Variants in ERBB4 observed in about 807,000 individuals in gnomAD.
ERBB4 encodes the protein erb-b2 receptor tyrosine kinase 4.
In ERBB4, 42 loss-of-function variants were observed where a neutral mutation model predicts 158.0. The ratio of observed to expected loss-of-function variants is 0.27; its 90% CI spans 0.21 to 0.34. The LOEUF (loss-of-function observed/expected upper bound fraction) is 0.34, where lower values mean the gene tolerates loss of function less well. Ranked by LOEUF, ERBB4 falls within the 10% of genes least tolerant of loss-of-function variation. The pLI is 1.00. For missense variants in ERBB4, 1,333 were observed against 1,624.1 expected (o/e 0.82, Z 3.08); for synonymous variants, 583 against 558.7 (o/e 1.04, Z -0.61).
chr2:211,998,861 C>T (rs933700872), intron 2 of ERBB4, among the ~76,000 whole-genome samples: 3 of 151,790 alleles, frequency 2.0e-5, no homozygotes, highest in Admixed American at 1.3e-4. Context: ...TTTTACTATA[C>T]ACTGGAAAGC....
chr2:211,852,998 G>C (rs376279066), intron 3 of ERBB4, among the ~76,000 whole-genome samples: 1 of 151,996 alleles, frequency 6.6e-6, no homozygotes, highest in African/African-American at 2.4e-5. Flanking sequence ...TAATAGTCTT[G>C]TCATCACAGC....
intron 1 of ERBB4, among the ~76,000 whole-genome samples, chr2:212,198,635 T>C (rs2082499440): frequency 2.0e-5 from 3 of 151,790 alleles, no homozygotes; most frequent in Non-Finnish European, 2.9e-5. Flanking sequence ...AATGCAGTGG[T>C]GGGATCTCAG....
At chr2:212,463,776 A>C (rs1688693455) in intron 1 of ERBB4, among the ~76,000 whole-genome samples, 1 of 152,118 alleles carries the variant, frequency 6.6e-6, no homozygotes, top group Non-Finnish European at 1.5e-5. Flanking sequence ...GAATCAGTTC[A>C]AAAGGTGATT....
At chr2:211,442,253 C>T (rs887460160) in intron 20 of ERBB4, among the ~76,000 whole-genome samples, 1 of 152,068 alleles carries the variant, frequency 6.6e-6, no homozygotes, top group Admixed American at 6.6e-5. Flanking sequence ...CAGACACATG[C>T]TTGGTCAAAT....
chr2:212,350,303 G>A lies in ERBB4; in HGVS notation c.82+188146C>T, dbSNP rs568233455. On this transcript the variant is annotated intron_variant, in intron 1 of 27. Transcript: ENST00000342788. ...AGAATTTGGGCTAAGACCTTAGAGT[G>A]TAAAGCTATCCATTTACACAAGAAT... 2.0e-5 allele frequency among the ~76,000 whole-genome samples: 3 copies of A among 152,204 alleles called. No individual in the cohort carries two copies. The South Asian group carries it at 6.2e-4, about 32-fold the overall frequency.
chr2:212,296,385 ATCTGCT>A (rs1475552428), intron 1 of ERBB4, among the ~76,000 whole-genome samples: 1 of 151,878 alleles, frequency 6.6e-6, no homozygotes, highest in Non-Finnish European at 1.5e-5. Flanking sequence ...AGAGAATTTC[ATCTGCT>A]TCTAATCTAA....
intron 3 of ERBB4, among the ~76,000 whole-genome samples, chr2:211,902,940 T>C (rs2079276734): frequency 6.6e-6 from 1 of 151,962 alleles, no homozygotes; most frequent in Admixed American, 6.6e-5. Context: ...AAATCTTCAC[T>C]CAGTAAAACT....
chr2:212,172,856 C>T (rs139741227), intron 1 of ERBB4, among the ~76,000 whole-genome samples: 56 of 151,970 alleles, frequency 3.7e-4, no homozygotes, highest in East Asian at 2.1e-3. Context: ...CTGGGTGATG[C>T]GATGATTTGT....
chr2:211,682,111 G>T (rs2072371655), intron 12 of ERBB4, among the ~76,000 whole-genome samples: 2 of 138,478 alleles, frequency 1.4e-5, no homozygotes, highest in Admixed American at 7.2e-5. Flanking sequence ...ACACAAGCAG[G>T]AAAACTGAGA....
At chr2:212,524,100 C>A (rs1415507687) in intron 1 of ERBB4, among the ~76,000 whole-genome samples, 1 of 151,930 alleles carries the variant, frequency 6.6e-6, no homozygotes, top group Non-Finnish European at 1.5e-5. Context: ...CTGGCATCTC[C>A]TTATTTCTTT....
At chr2:211,718,858 C>T (rs2074006823) in intron 7 of ERBB4, among the ~76,000 whole-genome samples, 1 of 152,126 alleles carries the variant, frequency 6.6e-6, no homozygotes, top group Non-Finnish European at 1.5e-5. Context: ...ATAATGCAGG[C>T]TTTTAGTGTC....
intron 20 of ERBB4, among the ~76,000 whole-genome samples, chr2:211,482,606 TA>T: frequency 6.6e-6 from 1 of 152,144 alleles, no homozygotes; most frequent in East Asian, 1.9e-4. Flanking sequence ...ATACCGAGGA[TA>T]AAAAATAAAT....
intron 1 of ERBB4, among the ~76,000 whole-genome samples, chr2:212,496,633 T>G (rs1690589620): frequency 6.6e-6 from 1 of 152,302 alleles, no homozygotes; most frequent in Non-Finnish European, 1.5e-5. Flanking sequence ...TCACGATACA[T>G]TATTTGAAGA....
intron 12 of ERBB4, among the ~76,000 whole-genome samples, chr2:211,683,744 T>TG (rs1300106471): frequency 1.3e-5 from 2 of 149,896 alleles, no homozygotes; most frequent in Admixed American, 1.3e-4. Flanking sequence ...TAGTCAGGGT[T>TG]TTTTTTTTTT....
intron 14 of ERBB4, among the ~76,000 whole-genome samples, chr2:211,671,057 G>GT (rs1011393405): frequency 3.9e-5 from 6 of 152,010 alleles, no homozygotes; most frequent in Admixed American, 1.3e-4. Flanking sequence ...AAGCAGATTA[G>GT]TTTTTTGTCT....
intron 3 of ERBB4, among the ~76,000 whole-genome samples, chr2:211,883,618 T>C (rs935754628): frequency 2.0e-5 from 3 of 151,866 alleles, no homozygotes; most frequent in Admixed American, 6.6e-5. Flanking sequence ...AAACCCTGTC[T>C]CCACTAAAAA....
At chr2:212,205,147 A>G (rs766311095) in intron 1 of ERBB4, among the ~76,000 whole-genome samples, 1 of 152,004 alleles carries the variant, frequency 6.6e-6, no homozygotes, top group Non-Finnish European at 1.5e-5. Flanking sequence ...ACAGACAGAC[A>G]GACAGACAGA....
intron 19 of ERBB4, among the ~76,000 whole-genome samples, chr2:211,584,038 T>C (rs900739691): frequency 6.7e-6 from 1 of 148,304 alleles, no homozygotes; most frequent in Admixed American, 6.9e-5. Context: ...GATGCTTTCA[T>C]TTCCCCATTA....
At chr2:211,735,842 T>C (rs1425893932) in intron 5 of ERBB4, among the ~76,000 whole-genome samples, 1 of 151,834 alleles carries the variant, frequency 6.6e-6, no homozygotes, top group African/African-American at 2.4e-5. Flanking sequence ...AGAACACGTT[T>C]GGGATTATCT....
Sources: gnomAD v4.1 joint callset for allele counts (sites outside exome capture counted in the v4.1 genomes callset) on GRCh38, gnomAD v4.1.1 for gene constraint, MANE v1.5 for transcripts, NCBI Gene and HGNC (gene_info 2026-07-23, HGNC 2026-07-21) for gene names.